Variants in ZBTB46 observed in about 807,000 individuals in gnomAD.
ZBTB46 encodes the protein zinc finger and BTB domain-containing protein 46.
ZBTB46 carries 8 observed loss-of-function variants against 44.1 expected under a neutral mutation model. The ratio of observed to expected loss-of-function variants is 0.18; its 90% CI spans 0.11 to 0.33. The LOEUF (loss-of-function observed/expected upper bound fraction) is 0.33. ZBTB46 is among the 10% of genes least tolerant of loss of function. The pLI, the probability that ZBTB46 is intolerant of heterozygous loss-of-function variation, is 1.00. For synonymous variants in ZBTB46, 409 were observed against 382.3 expected, an observed-to-expected ratio of 1.07 and a Z score of -0.81; for missense variants, 651 against 847.7, an observed-to-expected ratio of 0.77 and a Z score of 2.88.
intron 4 of ZBTB46, among the ~76,000 whole-genome samples, chr20:63,748,409 T>C (rs528416607): frequency 1.2e-4 from 18 of 152,268 alleles, no homozygotes; most frequent in African/African-American, 4.3e-4. Context: ...AGGGTGGGTG[T>C]GGACACCTGT....
chr20:63,758,625 GCAGT>G (rs992453971), intron 3 of ZBTB46, among the ~76,000 whole-genome samples: 9 of 151,998 alleles, frequency 5.9e-5, no homozygotes, highest in East Asian at 3.9e-4. Context: ...AATATATTTA[GCAGT>G]CAGTTTACTC....
chr20:63,747,457 TGGG>T (rs1182355466), intron 4 of ZBTB46, among the ~76,000 whole-genome samples, 156 bp from the exon 5 acceptor site: 2 of 12,930 alleles, frequency 1.5e-4, no homozygotes, highest in African/African-American at 6.4e-4. Context: ...CTGGTGGAGG[TGGG>T]GGGGGCGGGG....
rs889995583 is a variant in ZBTB46 at position 63,800,059 on chromosome 20, G to T, written c.-33-9269C>A. 2.0e-5 allele frequency among the ~76,000 whole-genome samples: 3 copies of T among 152,196 alleles called. No homozygotes were observed. In the East Asian group the frequency reaches 5.8e-4, roughly 29 times the overall value. ...CGAATGTCCAAATGTGCATCAACAG[G>T]TGAGCAGGTAAACACGGGATGCTTC... On this transcript the variant is annotated intron_variant, in intron 1 of 4. Transcript: ENST00000245663.
At chr20:63,795,432 C>A (rs975022773) in intron 1 of ZBTB46, among the ~76,000 whole-genome samples, 1 of 152,266 alleles carries the variant, frequency 6.6e-6, no homozygotes, top group African/African-American at 2.4e-5. Flanking sequence ...TTACATTGTG[C>A]AGGCAGTGAG....
At chr20:63,805,471 G>GA (rs1183219851) in intron 1 of ZBTB46, among the ~76,000 whole-genome samples, 17 of 150,100 alleles carry the variant, frequency 1.1e-4, no homozygotes, top group Non-Finnish European at 2.1e-4. Flanking sequence ...ATCTCTAAAG[G>GA]AAAAAAAAAG....
intron 1 of ZBTB46, 115 bp from the exon 2 acceptor site, chr20:63,790,905 A>C: frequency 7.2e-7 from 1 of 1,395,934 alleles, no homozygotes; most frequent in Non-Finnish European, 9.4e-7. Context: ...TGGGAGGACG[A>C]CCCACGCGAG....
chr20:63,767,877 C>G lies in ZBTB46; in HGVS notation c.1222+7801G>C. The G allele has an allele frequency of 4.1e-6, 4 of 985,444 alleles. No individual in the cohort carries two copies. The highest frequency in any genetic ancestry group is 4.8e-6 in the Non-Finnish European group (4 of 829,926). The allele number at this position is 985,444 out of a possible 1,614,324, so 61.0% of individuals were successfully genotyped here. A position where few individuals can be genotyped will look rare whatever the true frequency, so the allele number is the denominator to read the frequency against. On this transcript the variant is annotated intron_variant, in intron 3 of 4. Transcript: ENST00000245663. The surrounding 1 kb of genome is among the most constrained non-coding windows in gnomAD (Gnocchi z 5.0). ...GGCTGGAAGAAGACTCCTCAGGCAT[C>G]CTGGACAGGCCACAGGCCCTGCAGA...
At chr20:63,772,301 G>A (rs2092381624) in intron 3 of ZBTB46, among the ~76,000 whole-genome samples, 1 of 152,064 alleles carries the variant, frequency 6.6e-6, no homozygotes, top group African/African-American at 2.4e-5. Flanking sequence ...TGGCCCAAAA[G>A]GGCAAATTCT....
chr20:63,748,473 G>C (rs2092127330), intron 4 of ZBTB46, among the ~76,000 whole-genome samples: 1 of 152,228 alleles, frequency 6.6e-6, no homozygotes, highest in South Asian at 2.1e-4. Flanking sequence ...GGTGGCCCTT[G>C]TACCCACTCA....
chr20:63,791,278 A>C (rs1262014010), intron 1 of ZBTB46, among the ~76,000 whole-genome samples: 1 of 152,120 alleles, frequency 6.6e-6, no homozygotes, highest in South Asian at 2.1e-4. Context: ...GGTGGAGCAC[A>C]AGGTCAGGAG....
At position 63,775,810 on chromosome 20, in the gene ZBTB46, C is replaced by A; in HGVS notation, c.1090G>T (p.Ala364Ser). 1 of 1,613,424 alleles carries A rather than the reference C, an allele frequency of 6.2e-7. No homozygotes were observed. The highest frequency in any genetic ancestry group is 8.5e-7 in the Non-Finnish European group (1 of 1,179,978). ...TPEKDDALHQATAVANLRAAL... is the reference protein window; with the variant it reads ...TPEKDDALHQSTAVANLRAAL... ...GCGCGCAGGTTGGCCACCGCGGTGG[C>A]CTGATGCAGGGCGTCGTCCTTCTCT... Residue 364 changes from alanine (A) to serine (S), a missense_variant, in exon 3 of 5, where the codon GCC (alanine) becomes TCC (serine). Coordinates refer to ENST00000245663, the MANE Select transcript of ZBTB46 (RefSeq NM_001369741.1).
rs1302589387 is a variant in ZBTB46 at position 63,769,924 on chromosome 20, G to A, written c.1222+5754C>T. Among the ~76,000 whole-genome samples, 4 of 152,258 alleles carry A rather than the reference G, an allele frequency of 2.6e-5. No individual in the cohort carries two copies. The East Asian group carries it at 5.8e-4, about 22-fold the overall frequency. ...CCTGACGCCCGGGCCCAGCCGCTCCGCCATCTCCACGGCCACCTTCTCCAG... is the reference window on the plus strand; with the variant it reads ...CCTGACGCCCGGGCCCAGCCGCTCCACCATCTCCACGGCCACCTTCTCCAG... On this transcript the variant is annotated intron_variant, in intron 3 of 4. Transcript: ENST00000245663.
At chr20:63,761,157 C>A (rs1023360937) in intron 3 of ZBTB46, among the ~76,000 whole-genome samples, 1 of 149,880 alleles carries the variant, frequency 6.7e-6, no homozygotes, top group Non-Finnish European at 1.5e-5. Context: ...CACCACCATA[C>A]CCGGCTAATT....
At chr20:63,759,244 TTGAG>T (rs1568836084) in intron 3 of ZBTB46, among the ~76,000 whole-genome samples, 1 of 150,636 alleles carries the variant, frequency 6.6e-6, no homozygotes, top group African/African-American at 2.5e-5. Flanking sequence ...CTTTTGTATA[TTGAG>T]TTTCGTACAT....
intron 1 of ZBTB46, among the ~76,000 whole-genome samples, chr20:63,808,976 C>CAAAAAAAAAAAAAAAAAAAA (rs1157399042): frequency 1.2e-4 from 9 of 75,194 alleles, no homozygotes; most frequent in Admixed American, 1.6e-4. Context: ...GACTCCGCTT[C>CAAAAAAAAAAAAAAAAAAAA]AAAAAAAAAA....
At position 63,790,748 on chromosome 20, in the gene ZBTB46, G is replaced by T; in HGVS notation, c.10C>A (p.Arg4=). The change falls in exon 2 of 5, where the codon CGA becomes AGA. Residue 4 remains arginine (R), a synonymous_variant. Coordinates refer to ENST00000245663, the MANE Select transcript of ZBTB46 (RefSeq NM_001369741.1). The part of the protein sequence containing the change: MNN[R]KEDMEITSHY... ...GACGTGATTTCCATATCTTCCTTTC[G>T]GTTGTTCATTTGGAAGCCCTGGTGT... is the stretch of plus-strand genomic sequence containing the variant. 1 of 1,601,640 alleles carries T rather than the reference G, an allele frequency of 6.2e-7. No individual in the cohort carries two copies.
chr20:63,823,888 G>GTGTGTGTGTGTGTGTGTGT (rs1414023978), intron 1 of ZBTB46, among the ~76,000 whole-genome samples: 21 of 151,664 alleles, frequency 1.4e-4, no homozygotes, highest in African/African-American at 5.1e-4. Flanking sequence ...GTGTGTGTGT[G>GTGTGTGTGTGTGTGTGTGT]TTCTTTGGGA....
At chr20:63,831,617 C>T (rs952038019), upstream of ZBTB46, among the ~76,000 whole-genome samples, 1 of 148,846 alleles carries the variant, frequency 6.7e-6, no homozygotes, top group Non-Finnish European at 1.5e-5. Flanking sequence ...CGGGGGTCCC[C>T]CTGGCCCCCG....
At position 63,789,795 on chromosome 20, in the gene ZBTB46, GC is replaced by G. The variant is rs778947536; in HGVS notation, c.937+25del. ...GGCCTGGACACACTGGGGCAGCTGA[GC>G]CCCCGTAACGAGTGAAAGGCTTACT... On this transcript the variant is annotated intron_variant, in intron 2 of 4. Transcript: ENST00000245663. 3.2e-6 allele frequency: 5 copies of G among 1,583,036 alleles called. No individual in the cohort carries two copies. In the South Asian group the frequency reaches 5.7e-5, roughly 18 times the overall value.
Sources: gnomAD v4.1 joint callset for allele counts (sites outside exome capture counted in the v4.1 genomes callset) on GRCh38, gnomAD v4.1.1 for gene constraint, Gnocchi (gnomAD v3.1) non-coding constraint, MANE v1.5 for transcripts, NCBI Gene and HGNC (gene_info 2026-07-23, HGNC 2026-07-21) for gene names.